NCAPG2: variants seen among roughly 807,000 people sequenced by gnomAD.
NCAPG2 encodes the protein non-SMC condensin II complex subunit G2.
A neutral mutation model predicts 141.1 loss-of-function variants in NCAPG2; 53 were observed. That is an observed-to-expected ratio of 0.38 (90% CI 0.30 to 0.47). NCAPG2 has a LOEUF of 0.47. Among genes scored for constraint, NCAPG2 ranks in the 20% least tolerant of loss-of-function variants. The pLI, the probability that NCAPG2 is intolerant of heterozygous loss-of-function variation, is 0.99. For missense variants in NCAPG2, 1,087 were observed against 1,389.0 expected (o/e 0.78, Z 3.46); for synonymous variants, 499 against 490.7 (o/e 1.02, Z -0.22).
In NCAPG2 at chr7:158,675,491, A is replaced by G. The variant is rs745645080; in HGVS notation, c.1312T>C (p.Cys438Arg). ...AFDTSSADVR[C>R]SVFKCLPMIL... ...AAAAATCTTACCTTAAAGACAGAAC[A>G]ACGAACATCAGCTGAGCTCGTGTCA... The change falls in exon 12 of 28, where the codon TGT becomes CGT. Residue 438 changes from cysteine to arginine, a missense_variant. Coordinates refer to ENST00000356309, the MANE Select transcript of NCAPG2 (RefSeq NM_017760.7). 2.5e-6 allele frequency: 4 copies of G among 1,601,716 alleles called. No individual in the cohort carries two copies. Among genetic ancestry groups the G allele is most frequent in the Non-Finnish European group, 3.4e-6 (4 of 1,177,278 alleles).
At chr7:158,674,793 A>T (rs905120403) in intron 12 of NCAPG2, among the ~76,000 whole-genome samples, 5 of 152,250 alleles carry the variant, frequency 3.3e-5, no homozygotes, top group African/African-American at 1.2e-4. Context: ...CAGTAGCAGG[A>T]AAGTGAGATC....
At chr7:158,644,739 A>T (rs1475036897) in intron 26 of NCAPG2, among the ~76,000 whole-genome samples, 3 of 152,222 alleles carry the variant, frequency 2.0e-5, no homozygotes, top group Non-Finnish European at 2.9e-5. Context: ...GCAGCATCCA[A>T]CATCCATCCT....
At chr7:158,694,138 C>T (rs1835291249) in intron 2 of NCAPG2, among the ~76,000 whole-genome samples, 1 of 152,182 alleles carries the variant, frequency 6.6e-6, no homozygotes. Context: ...GCCAACCACT[C>T]TGGGAGAGAG....
rs781206063 is a variant in NCAPG2 at position 158,675,626 on chromosome 7, G to A, written c.1177C>T (p.Arg393Cys). ...SLLEDPYPMV[R>C]STGILGVCKI... is the part of the protein sequence containing the mutation. ...CAAACACCAAGGATCCCTGTGGAAC[G>A]GACCATCGGGTAAGGATCTTCTAAA... The change falls in exon 12 of 28, where the codon CGT (arginine) becomes TGT (cysteine). Residue 393 changes from arginine (R) to cysteine (C), a missense_variant. Physicochemically the swap from Arg to Cys is radical, Grantham distance 180. Transcript: ENST00000356309. 3 of 1,612,404 alleles carry A rather than the reference G, an allele frequency of 1.9e-6. No homozygotes were observed. Among genetic ancestry groups the A allele is most frequent in the Non-Finnish European group, 1.7e-6 (2 of 1,179,698 alleles).
chr7:158,669,526 G>A (rs1006587048), intron 13 of NCAPG2, among the ~76,000 whole-genome samples: 2 of 152,048 alleles, frequency 1.3e-5, no homozygotes, highest in African/African-American at 4.8e-5. Flanking sequence ...ACTTTGGGAG[G>A]CCAAAACAGG....
At chr7:158,668,490 A>C in intron 13 of NCAPG2, 1 of 885,070 alleles carries the variant, frequency 1.1e-6, no homozygotes, top group Non-Finnish European at 1.4e-6. Context: ...TTAGAGATAC[A>C]TTCTGAAATA....
rs1835071094 is a variant in NCAPG2, at chr7:158,690,816, T to C, written c.383-94A>G. 4 of 1,171,848 alleles carry C rather than the reference T, an allele frequency of 3.4e-6. No homozygotes were observed. In the East Asian group the frequency reaches 1.1e-4, roughly 31 times the overall value. 72.6% of individuals were successfully genotyped at this position (1,171,848 alleles called of 1,614,324 possible). A position where few individuals can be genotyped will look rare whatever the true frequency, so the allele number is the denominator to read the frequency against. On this transcript the variant is annotated intron_variant, in intron 4 of 27. Transcript: ENST00000356309. The stretch of plus-strand genomic sequence containing the variant: ...GAGTATCATGACTTTATATATTATT[T>C]AAAGCTTTGCTAAGCAAATAATATT...
intron 22 of NCAPG2, 28 bp downstream of exon 22, chr7:158,654,567 T>C (rs1563514453): frequency 5.0e-6 from 8 of 1,606,460 alleles, no homozygotes; most frequent in Non-Finnish European, 6.8e-6. Context: ...TCTGAGTATT[T>C]ATTGCTCTAA....
chr7:158,669,704 G>A (rs1395834181), intron 13 of NCAPG2, among the ~76,000 whole-genome samples: 1 of 139,578 alleles, frequency 7.2e-6, no homozygotes, highest in African/African-American at 2.7e-5. Flanking sequence ...GGGAGGCGGA[G>A]GTTGCAGTAA....
intron 27 of NCAPG2, 39 bp from the exon 28 acceptor site, chr7:158,631,756 A>G: frequency 6.8e-7 from 1 of 1,480,130 alleles, no homozygotes; most frequent in African/African-American, 1.4e-5. Flanking sequence ...TACAGAAAAA[A>G]GTGACCAAAT....
Position 158,652,312 on chromosome 7 carries a change from T to C in NCAPG2, c.2915A>G (p.Gln972Arg), listed in dbSNP as rs763516421. 1 of 1,613,660 alleles carries C rather than the reference T, an allele frequency of 6.2e-7. No individual in the cohort carries two copies. The highest frequency in any genetic ancestry group is 8.5e-7 in the Non-Finnish European group (1 of 1,179,944). ...LECIARSFRKQPEEGLRLLYS... is the reference protein window; with the variant it reads ...LECIARSFRKRPEEGLRLLYS... ...GAGTACCCGCAGGCCTTCTTCCGGC[T>C]GCTTCCTGAAGCTCCGTGCAATACA... The change falls in exon 23 of 28, where the codon CAG becomes CGG. Residue 972 changes from glutamine to arginine, a missense_variant. By Grantham distance (43) the Gln-to-Arg change is conservative (BLOSUM62 1). Transcript: ENST00000356309.
At position 158,646,416 on chromosome 7, in the gene NCAPG2, C is replaced by T. The variant is rs758062640; in HGVS notation, c.3179+44G>A. On this transcript the variant is annotated intron_variant, in intron 25 of 27. Coordinates refer to ENST00000356309, the MANE Select transcript of NCAPG2 (RefSeq NM_017760.7). ...TAGAACAAAAGCTGCTGAGCGCTTA[C>T]AGCCACGATGAGCATTTCAGGACAG... 6.9e-6 allele frequency: 10 copies of T among 1,448,776 alleles called. No individual in the cohort carries two copies. The East Asian group carries it at 1.7e-4, about 24-fold the overall frequency. The allele number at this position is 1,448,776 out of a possible 1,614,324, so 89.7% of individuals were successfully genotyped here.
chr7:158,656,126 G>A (rs996540566), intron 19 of NCAPG2, 134 bp downstream of exon 19: 1 of 1,172,278 alleles, frequency 8.5e-7, no homozygotes, highest in African/African-American at 1.6e-5. Flanking sequence ...CCAACTGAAT[G>A]AGGTGACATG....
chr7:158,672,310 ATATATATATATATATATATTTTTTTTTTT>A (rs1833765044), intron 12 of NCAPG2, among the ~76,000 whole-genome samples: 1 of 41,512 alleles, frequency 2.4e-5, no homozygotes, highest in African/African-American at 8.1e-5. Context: ...ATATATATAT[ATATATATATATATATATATTTTTTTTTTT>A]TTTTTTTTTT....
intron 2 of NCAPG2, chr7:158,696,711 A>C (rs1835468242): frequency 6.6e-6 from 1 of 152,166 alleles, no homozygotes; most frequent in South Asian, 2.1e-4. Context: ...TTACTTCTCC[A>C]CCCTAACCCT....
At chr7:158,647,687 A>C (rs1831131870) in intron 24 of NCAPG2, among the ~76,000 whole-genome samples, 1 of 151,656 alleles carries the variant, frequency 6.6e-6, no homozygotes, top group South Asian at 2.1e-4. Flanking sequence ...GGCATGACTA[A>C]ACAACACTGC....
intron 13 of NCAPG2, among the ~76,000 whole-genome samples, chr7:158,666,804 A>T (rs1432954713): frequency 2.0e-5 from 3 of 152,132 alleles, no homozygotes; most frequent in Non-Finnish European, 4.4e-5. Flanking sequence ...CAATGCATTG[A>T]AGGGAGAGGG....
chr7:158,684,074 T>A (rs1302508410), intron 8 of NCAPG2, among the ~76,000 whole-genome samples: 1 of 152,222 alleles, frequency 6.6e-6, no homozygotes, highest in Admixed American at 6.5e-5. Context: ...GGGTTAATAC[T>A]AATACAAACC....
chr7:158,642,967 T>G (rs764231238), intron 27 of NCAPG2, among the ~76,000 whole-genome samples: 7 of 152,168 alleles, frequency 4.6e-5, no homozygotes, highest in Non-Finnish European at 8.8e-5. Flanking sequence ...TTTTTACTTT[T>G]ATTTATTTTT....
Sources: gnomAD v4.1 joint callset for allele counts (sites outside exome capture counted in the v4.1 genomes callset) on GRCh38, gnomAD v4.1.1 for gene constraint, MANE v1.5 for transcripts, NCBI Gene and HGNC (gene_info 2026-07-23, HGNC 2026-07-21) for gene names.